FBN2: variants seen among roughly 807,000 people sequenced by gnomAD.
FBN2 encodes fibrillin 2.
In FBN2, 105 loss-of-function variants were observed where a neutral mutation model predicts 355.6. The ratio of observed to expected loss-of-function variants is 0.30; its 90% confidence interval spans 0.25 to 0.35. The LOEUF (loss-of-function observed/expected upper bound fraction) is 0.35. FBN2 is among the 10% of genes least tolerant of loss of function. FBN2 has a pLI of 1.00. For synonymous variants in FBN2, 1,350 were observed against 1,301.2 expected, an observed-to-expected ratio of 1.04 and a Z score of -0.81; for missense variants, 3,280 against 3,758.7, an observed-to-expected ratio of 0.87 and a Z score of 3.33.
chr5:128,435,728 G>A (rs1039478906), intron 7 of FBN2, among the ~76,000 whole-genome samples: 6 of 152,140 alleles, frequency 3.9e-5, no homozygotes, highest in African/African-American at 1.4e-4. Flanking sequence ...TTGTTACTGG[G>A]ATAAATATGT....
At chr5:128,460,476 GA>G (rs1754529075) in intron 6 of FBN2, among the ~76,000 whole-genome samples, 2 of 152,026 alleles carry the variant, frequency 1.3e-5, no homozygotes, top group Admixed American at 6.6e-5. Flanking sequence ...AACTGCCATT[GA>G]CATTCTTCAC....
chr5:128,354,036 C>T (rs1751438713), intron 20 of FBN2, among the ~76,000 whole-genome samples: 1 of 152,134 alleles, frequency 6.6e-6, no homozygotes. Flanking sequence ...ATGCCCATCC[C>T]GGCCCCCAGA....
chr5:128,375,739 G>T (rs1752062170), intron 14 of FBN2, among the ~76,000 whole-genome samples: 1 of 152,026 alleles, frequency 6.6e-6, no homozygotes, highest in Non-Finnish European at 1.5e-5. Flanking sequence ...AGGAAACAAA[G>T]AAAAACAAAA....
At position 128,277,955 on chromosome 5, in the gene FBN2, T is replaced by A; in HGVS notation, c.7396A>T (p.Ile2466Phe). 2 of 1,613,966 alleles carry A rather than the reference T, an allele frequency of 1.2e-6. No homozygotes were observed. The highest frequency in any genetic ancestry group is 1.7e-6 in the Non-Finnish European group (2 of 1,179,870). ...MPNLCTNGQC[I>F]NTMGSFRCFC... ...CATCGGAATGAGCCCATGGTATTGA[T>A]GCACTGACCATTGGTGCAGAGGTTT... The change falls in exon 58 of 65, where the codon ATC becomes TTC. Residue 2466 changes from isoleucine (I) to phenylalanine (F), a missense_variant. Ile to Phe is a conservative substitution (Grantham distance 21). Transcript: ENST00000262464.
At position 128,278,713 on chromosome 5, in the gene FBN2, C is replaced by G. The variant is rs1193159709; in HGVS notation, c.7267G>C (p.Glu2423Gln). ...DGGRGWGHQC[E>Q]LCPLPGTAQY... ...GCAGTTCCAGGAAGTGGGCAAAGCT[C>G]GCACTGGTGGCCCCAGCCTCGCCCA... is the stretch of plus-strand genomic sequence containing the variant. Residue 2423 changes from glutamate to glutamine, a missense_variant, in exon 57 of 65, where the codon GAG becomes CAG. By Grantham distance (29) the Glu-to-Gln change is conservative (BLOSUM62 2). Coordinates refer to ENST00000262464, the MANE Select transcript of FBN2 (RefSeq NM_001999.4). 11 of 1,614,164 alleles carry G rather than the reference C, an allele frequency of 6.8e-6. No homozygotes were observed. The East Asian group carries it at 2.5e-4, about 36-fold the overall frequency.
chr5:128,433,648 A>G (rs1014982434), intron 7 of FBN2, among the ~76,000 whole-genome samples: 1 of 152,184 alleles, frequency 6.6e-6, no homozygotes, highest in Non-Finnish European at 1.5e-5. Flanking sequence ...CTATATGGCT[A>G]GTTAAATCAA....
Position 128,410,679 on chromosome 5 carries a change from T to C in FBN2, c.953-1880A>G, listed in dbSNP as rs1009400076. 3.3e-5 allele frequency among the ~76,000 whole-genome samples: 5 copies of C among 152,302 alleles called. No homozygotes were observed. The South Asian group carries it at 6.2e-4, about 19-fold the overall frequency. ...AAAAAGAACAGAAAATTAAAAGATGTTTGACATTTTCTTTTTTTGGATAAA... is the reference window on the plus strand; with the variant it reads ...AAAAAGAACAGAAAATTAAAAGATGCTTGACATTTTCTTTTTTTGGATAAA... On this transcript the variant is annotated intron_variant, in intron 7 of 64. Coordinates refer to ENST00000262464, the MANE Select transcript of FBN2 (RefSeq NM_001999.4).
At chr5:128,477,715 C>T (rs991877487) in intron 5 of FBN2, among the ~76,000 whole-genome samples, 12 of 152,104 alleles carry the variant, frequency 7.9e-5, no homozygotes, top group African/African-American at 1.9e-4. Context: ...CAACAGACCC[C>T]GAGTCTGAAG....
intron 36 of FBN2, among the ~76,000 whole-genome samples, chr5:128,314,411 T>C (rs1380192731): frequency 6.6e-6 from 1 of 151,968 alleles, no homozygotes; most frequent in Non-Finnish European, 1.5e-5. Flanking sequence ...CTGCAACCTC[T>C]GCCTCAAGTG....
intron 5 of FBN2, among the ~76,000 whole-genome samples, chr5:128,508,991 A>C (rs1165386730): frequency 2.0e-5 from 3 of 151,998 alleles, no homozygotes; most frequent in Non-Finnish European, 4.4e-5. Context: ...CCTCTATACA[A>C]AATGTATCTC....
rs1754812299 is a variant in FBN2 at position 128,469,948 on chromosome 5, T to C, written c.629-5027A>G. ...AGTGTGTTACAGAATTTAGAATATA[T>C]GGATTGAAGATGCACACTAATGAGT... On this transcript the variant is annotated intron_variant, in intron 5 of 64. Transcript: ENST00000262464. Among the ~76,000 whole-genome samples, 3 of 152,154 alleles carry C rather than the reference T, an allele frequency of 2.0e-5. 1 individual carries two copies. Among genetic ancestry groups the C allele is most frequent in the South Asian group, 4.1e-4 (2 of 4,832 alleles).
At position 128,340,968 on chromosome 5, in the gene FBN2, C is replaced by T. The variant is rs565129572; in HGVS notation, c.3344-1907G>A. Among the ~76,000 whole-genome samples, 7 of 152,166 alleles carry T rather than the reference C, an allele frequency of 4.6e-5. No individual in the cohort carries two copies. The East Asian group carries it at 7.7e-4, about 17-fold the overall frequency. On this transcript the variant is annotated intron_variant, in intron 25 of 64. Transcript: ENST00000262464. ...TAGAGAGGCAAGAGATGAAGCGCAC[C>T]GGTGAAGAGAAAGGAAGCATTTCAG...
At position 128,305,869 on chromosome 5, in the gene FBN2, T is replaced by C. The variant is rs373545461; in HGVS notation, c.5502A>G (p.Glu1834=). 5.6e-6 allele frequency: 9 copies of C among 1,613,942 alleles called. No homozygotes were observed. Among genetic ancestry groups the C allele is most frequent in the Non-Finnish European group, 6.8e-6 (8 of 1,179,920 alleles). The part of the protein sequence containing the change: ...CINQIGSFRC[E]CPTGFSYNDL... ...CATTGTAACTGAATCCTGTAGGGCA[T>C]TCACAGCGGAAACTGCCAATCTGGT... The change falls in exon 43 of 65, where the codon GAA becomes GAG. Residue 1834 remains glutamate (E), a synonymous_variant. Coordinates refer to ENST00000262464, the MANE Select transcript of FBN2 (RefSeq NM_001999.4).
intron 34 of FBN2, 24 bp from the exon 35 acceptor site, chr5:128,319,025 T>C: frequency 1.9e-6 from 3 of 1,567,790 alleles, no homozygotes; most frequent in Non-Finnish European, 2.6e-6. Context: ...AAAAAAGTAA[T>C]CTCTTATTTA....
chr5:128,369,474 G>T, intron 15 of FBN2, 140 bp from the exon 16 acceptor site: 1 of 742,888 alleles, frequency 1.3e-6, no homozygotes, highest in South Asian at 1.6e-5. Context: ...TGCATCTTTA[G>T]CATCTAATAG....
chr5:128,409,318 C>T (rs533630545), intron 7 of FBN2, among the ~76,000 whole-genome samples: 18 of 152,210 alleles, frequency 1.2e-4, no homozygotes, highest in Admixed American at 3.3e-4. Flanking sequence ...CTGGGAACAA[C>T]TTCAATCTAA....
intron 6 of FBN2, among the ~76,000 whole-genome samples, chr5:128,460,941 G>T (rs943071648): frequency 6.6e-6 from 1 of 152,076 alleles, no homozygotes; most frequent in African/African-American, 2.4e-5. Context: ...ACATAGGCAT[G>T]GGGGGAGACT....
chr5:128,516,472 C>T (rs1401692769), intron 5 of FBN2, among the ~76,000 whole-genome samples: 1 of 151,590 alleles, frequency 6.6e-6, no homozygotes, highest in Non-Finnish European at 1.5e-5. Context: ...CACACTCAGA[C>T]TCAAGTTAAA....
At chr5:128,362,465 TTTTG>T (rs1751662194) in intron 18 of FBN2, among the ~76,000 whole-genome samples, 1 of 152,162 alleles carries the variant, frequency 6.6e-6, no homozygotes, top group African/African-American at 2.4e-5. Context: ...ACAATGAGTT[TTTTG>T]TTTGTTTTTG....
Sources: gnomAD v4.1 joint callset for allele counts (sites outside exome capture counted in the v4.1 genomes callset) on GRCh38, gnomAD v4.1.1 for gene constraint, MANE v1.5 for transcripts, NCBI Gene and HGNC (gene_info 2026-07-23, HGNC 2026-07-21) for gene names.